Variants in SP2 observed in about 807,000 individuals in gnomAD.
SP2 encodes the protein transcription factor Sp2.
In SP2, 9 loss-of-function variants were observed where a neutral mutation model predicts 50.1. The observed-to-expected ratio is 0.18, with a 90% CI of 0.11 to 0.31. The LOEUF is 0.31. SP2 is among the 10% of genes least tolerant of loss of function. SP2 has a pLI of 1.00. For missense variants in SP2, 581 were observed against 806.5 expected (o/e 0.72, Z 3.39); for synonymous variants, 313 against 326.6 (o/e 0.96, Z 0.45).
chr17:47,908,334 A>G (rs1033077916), intron 1 of SP2, among the ~76,000 whole-genome samples: 1 of 152,132 alleles, frequency 6.6e-6, no homozygotes, highest in Admixed American at 6.5e-5. Context: ...CGCGGATCCT[A>G]TGTCTCTTGT....
chr17:47,905,109 T>G (rs941333713), intron 1 of SP2, among the ~76,000 whole-genome samples: 1 of 152,222 alleles, frequency 6.6e-6, no homozygotes, highest in Non-Finnish European at 1.5e-5. Flanking sequence ...TTGCCTCTCA[T>G]TGAAATATTC....
chr17:47,910,239 AT>A (rs1467785926), intron 1 of SP2, among the ~76,000 whole-genome samples: 1 of 152,238 alleles, frequency 6.6e-6, no homozygotes, highest in Non-Finnish European at 1.5e-5. Context: ...CACAAAACCA[AT>A]TTAGTGGGTC....
intron 6 of SP2, among the ~76,000 whole-genome samples, chr17:47,925,904 C>CATTTTTTT (rs1567704810): frequency 5.0e-5 from 6 of 119,476 alleles, no homozygotes; most frequent in Middle Eastern, 4.3e-3. Flanking sequence ...TTTGTTTATG[C>CATTTTTTT]CTTTTTTTTT....
intron 4 of SP2, 78 bp downstream of exon 4, chr17:47,923,352 G>C: frequency 8.2e-7 from 1 of 1,226,852 alleles, no homozygotes; most frequent in Non-Finnish European, 1.1e-6. Context: ...CTGGCCCCGG[G>C]ATTTCCAGTA....
At chr17:47,920,924 C>T (rs1286991673) in intron 3 of SP2, among the ~76,000 whole-genome samples, 1 of 152,154 alleles carries the variant, frequency 6.6e-6, no homozygotes, top group Admixed American at 6.5e-5. Flanking sequence ...AACTCTCTAC[C>T]CTTTAGCCAT....
rs2035194521 is a variant in SP2, at chr17:47,916,177, G to T, written c.106G>T (p.Ala36Ser). The T allele has an allele frequency of 6.2e-7, 1 of 1,611,798 alleles. No individual in the cohort carries two copies. The highest frequency in any genetic ancestry group is 8.5e-7 in the Non-Finnish European group (1 of 1,178,748). Residue 36 changes from alanine to serine, a missense_variant, in exon 3 of 7, where the codon GCC (alanine) becomes TCC (serine). Ala to Ser is a moderately conservative substitution (Grantham distance 99). This residue lies in a region of SP2 where 397 missense variants were observed against 491.0 expected (regional missense o/e 0.81). Transcript: ENST00000376741. This position sits in a 1 kb window ranked among gnomAD's most constrained non-coding sequence, Gnocchi z 4.7. ...GCAGGACTCCCAGCCATCTCCCTTA[G>T]CCCTGCTTGCTGCAACATGTAGCAA... Reference protein sequence around the residue: ...TTQDSQPSPLALLAATCSKIG... With the variant: ...TTQDSQPSPLSLLAATCSKIG...
At chr17:47,919,668 G>C (rs939422495) in intron 3 of SP2, among the ~76,000 whole-genome samples, 1 of 151,738 alleles carries the variant, frequency 6.6e-6, no homozygotes, top group Non-Finnish European at 1.5e-5. Context: ...TCAAACCCAG[G>C]AAATTAGCAG....
chr17:47,908,746 G>C (rs986564725), intron 1 of SP2: 3 of 152,128 alleles, frequency 2.0e-5, no homozygotes, highest in African/African-American at 7.2e-5. Flanking sequence ...GTAGAGATGG[G>C]GTTTCCCCAT....
intron 1 of SP2, among the ~76,000 whole-genome samples, chr17:47,907,680 G>C (rs1444234135): frequency 1.3e-5 from 2 of 152,186 alleles, no homozygotes; most frequent in Non-Finnish European, 2.9e-5. Flanking sequence ...TTAAAACCAA[G>C]TGGCACTATT....
At chr17:47,929,616 A>G (rs1286009939), downstream of SP2, 1 of 152,666 alleles carries the variant, frequency 6.6e-6, no homozygotes, top group Non-Finnish European at 1.5e-5. Context: ...AGCAGATGCT[A>G]CAAATCTGAA....
In SP2 at chr17:47,928,750, A is replaced by G. The variant is rs1019248929; in HGVS notation, c.*926A>G. 7.9e-5 allele frequency: 12 copies of G among 152,780 alleles called. No homozygotes were observed. Among genetic ancestry groups the G allele is most frequent in the African/African-American group, 2.9e-4 (12 of 41,582 alleles). 9.5% of individuals were successfully genotyped at this position (152,780 alleles called of 1,614,324 possible). ...TATAATAGACAATTGTGTCTACTAC[A>G]TGTTTAAAAACACATTGCTTGTTAT... On this transcript the variant is annotated 3_prime_UTR_variant, in exon 7 of 7. Transcript: ENST00000376741.
chr17:47,925,019 C>G lies in SP2; in HGVS notation c.1473C>G (p.Ala491=). 1 of 1,614,158 alleles carries G rather than the reference C, an allele frequency of 6.2e-7. No individual in the cohort carries two copies. The highest frequency in any genetic ancestry group is 8.5e-7 in the Non-Finnish European group (1 of 1,179,998). ...AGCTGCAAATGGAACAAGCCCTGGC[C>G]GGAGAGACCCAGCCCGGGGAGAAGC... ...QIQLQMEQAL[A]GETQPGEKRR... The change falls in exon 5 of 7, where the codon GCC becomes GCG. Residue 491 remains alanine, a synonymous_variant. Transcript: ENST00000376741.
chr17:47,926,424 C>T (rs769864071), intron 6 of SP2, among the ~76,000 whole-genome samples: 4 of 151,250 alleles, frequency 2.6e-5, no homozygotes, highest in Non-Finnish European at 4.4e-5. Context: ...GTGATTCTCC[C>T]ACCTCAACCT....
At chr17:47,920,595 A>G in intron 3 of SP2, among the ~76,000 whole-genome samples, 1 of 148,336 alleles carries the variant, frequency 6.7e-6, no homozygotes, top group East Asian at 2.0e-4. Context: ...CAATTTTTGT[A>G]TTTTTTTAGT....
chr17:47,911,384 A>G (rs547696910), intron 1 of SP2, among the ~76,000 whole-genome samples: 14 of 151,840 alleles, frequency 9.2e-5, no homozygotes, highest in Non-Finnish European at 1.9e-4. Context: ...TCTACTAAAA[A>G]TACAAAAAAA....
chr17:47,926,403 C>T (rs954612573), intron 6 of SP2, among the ~76,000 whole-genome samples: 1 of 151,262 alleles, frequency 6.6e-6, no homozygotes. Flanking sequence ...GTGTTGAACT[C>T]CTGGGCTCAA....
At position 47,916,393 on chromosome 17, in the gene SP2, G is replaced by A; in HGVS notation, c.322G>A (p.Gly108Arg). Reference sequence around the variant, plus strand: ...ACAACTGAGCGCCTCCTATCCTGGAGGGCAGCTGGTGTTCGCTATCCAGAA... The same window carrying A: ...ACAACTGAGCGCCTCCTATCCTGGAAGGCAGCTGGTGTTCGCTATCCAGAA... ...GSQLSASYPG[G>R]QLVFAIQNPT... Residue 108 changes from glycine to arginine, a missense_variant, in exon 3 of 7, where the codon GGG becomes AGG. Gly to Arg is a moderately radical substitution (Grantham distance 125). Coordinates refer to ENST00000376741, the MANE Select transcript of SP2 (RefSeq NM_003110.6). The surrounding 1 kb of genome is among the most constrained non-coding windows in gnomAD (Gnocchi z 4.7). 1 of 1,614,110 alleles carries A rather than the reference G, an allele frequency of 6.2e-7. No individual in the cohort carries two copies. Among genetic ancestry groups the A allele is most frequent in the Non-Finnish European group, 8.5e-7 (1 of 1,180,000 alleles).
intron 4 of SP2, among the ~76,000 whole-genome samples, chr17:47,923,602 A>G (rs1303189669): frequency 6.6e-6 from 1 of 152,256 alleles, no homozygotes; most frequent in Non-Finnish European, 1.5e-5. Flanking sequence ...CCTGGCAGTC[A>G]GAATAGTTTG....
chr17:47,904,323 C>CTGGTGG (rs1384029823), intron 1 of SP2, among the ~76,000 whole-genome samples: 3 of 150,340 alleles, frequency 2.0e-5, no homozygotes, highest in South Asian at 4.2e-4. Flanking sequence ...ATGGAGGTGT[C>CTGGTGG]TGGTGGTGTG....
Sources: gnomAD v4.1 joint callset for allele counts (sites outside exome capture counted in the v4.1 genomes callset) on GRCh38, gnomAD v4.1.1 for gene constraint, gnomAD v4.1.1 regional missense constraint, Gnocchi (gnomAD v3.1) non-coding constraint, MANE v1.5 for transcripts, NCBI Gene and HGNC (gene_info 2026-07-23, HGNC 2026-07-21) for gene names.